The following GALNTL6 variants were observed in gnomAD, a reference collection of about 807,000 sequenced individuals.
The protein encoded by GALNTL6 is polypeptide N-acetylgalactosaminyltransferase-like 6.
A neutral mutation model predicts 73.7 loss-of-function variants in GALNTL6; 46 were observed. The ratio of observed to expected loss-of-function variants is 0.62; its 90% confidence interval spans 0.49 to 0.80. The LOEUF (loss-of-function observed/expected upper bound fraction) is 0.80. Ranked by LOEUF, GALNTL6 falls within the 30% of genes least tolerant of loss-of-function variation. The pLI is 0.00. For synonymous variants in GALNTL6, 259 were observed against 263.7 expected, an observed-to-expected ratio of 0.98 and a Z score of 0.17; for missense variants, 604 against 755.0, an observed-to-expected ratio of 0.80 and a Z score of 2.34.
At chr4:172,009,189 T>A (rs1419558065) in intron 2 of GALNTL6, among the ~76,000 whole-genome samples, 1 of 152,094 alleles carries the variant, frequency 6.6e-6, no homozygotes, top group Non-Finnish European at 1.5e-5. Context: ...TTTATATTAT[T>A]ATGCCCATTT....
intron 5 of GALNTL6, among the ~76,000 whole-genome samples, chr4:172,530,195 T>C (rs935765958): frequency 6.6e-6 from 1 of 152,140 alleles, no homozygotes; most frequent in Non-Finnish European, 1.5e-5. Flanking sequence ...CACATTGATA[T>C]TCCAAAATTA....
At chr4:172,869,961 T>G (rs1339613146) in intron 7 of GALNTL6, among the ~76,000 whole-genome samples, 1 of 152,156 alleles carries the variant, frequency 6.6e-6, no homozygotes, top group Admixed American at 6.5e-5. Flanking sequence ...TGTTCTTAAC[T>G]TCTTTCGTTT....
chr4:172,198,277 A>G (rs1336740018), intron 2 of GALNTL6, among the ~76,000 whole-genome samples: 1 of 151,078 alleles, frequency 6.6e-6, no homozygotes, highest in Non-Finnish European at 1.5e-5. Flanking sequence ...AGATCTGCAC[A>G]TCAAAAAAAA....
intron 2 of GALNTL6, among the ~76,000 whole-genome samples, chr4:172,163,756 T>C (rs562127270): frequency 1.6e-4 from 24 of 152,100 alleles, no homozygotes; most frequent in Middle Eastern, 6.8e-3. Context: ...AATTCAGAAA[T>C]GTAAGCCTCA....
intron 12 of GALNTL6, among the ~76,000 whole-genome samples, chr4:173,033,855 T>C (rs1429899962): frequency 6.6e-6 from 1 of 152,158 alleles, no homozygotes; most frequent in Non-Finnish European, 1.5e-5. Context: ...TCTTTCTACT[T>C]ACATGGAAAT....
At chr4:172,186,642 C>T (rs1006852482) in intron 2 of GALNTL6, among the ~76,000 whole-genome samples, 1 of 151,914 alleles carries the variant, frequency 6.6e-6, no homozygotes, top group Non-Finnish European at 1.5e-5. Context: ...GGATGAACCT[C>T]GAGGACATTT....
intron 5 of GALNTL6, among the ~76,000 whole-genome samples, chr4:172,534,343 A>G (rs1380623876): frequency 1.3e-5 from 2 of 152,224 alleles, no homozygotes; most frequent in Non-Finnish European, 2.9e-5. Context: ...GAAAGTCCAC[A>G]GAAGCAATCA....
chr4:172,335,175 T>G (rs1163447602), intron 4 of GALNTL6, among the ~76,000 whole-genome samples: 1 of 152,108 alleles, frequency 6.6e-6, no homozygotes, highest in Non-Finnish European at 1.5e-5. Flanking sequence ...CTCCATCTCC[T>G]GACCTTGTGA....
intron 5 of GALNTL6, among the ~76,000 whole-genome samples, chr4:172,708,771 T>G (rs1004875104): frequency 6.6e-6 from 1 of 152,182 alleles, no homozygotes; most frequent in Non-Finnish European, 1.5e-5. Context: ...ATATCATAAT[T>G]GTATATCTTC....
chr4:172,626,410 T>C (rs1266476425), intron 5 of GALNTL6, among the ~76,000 whole-genome samples: 4 of 152,142 alleles, frequency 2.6e-5, no homozygotes, highest in Non-Finnish European at 4.4e-5. Flanking sequence ...TTGGTTACTG[T>C]AGCCTTATAG....
intron 2 of GALNTL6, among the ~76,000 whole-genome samples, chr4:171,956,009 T>G (rs1410729547): frequency 6.3e-4 from 91 of 144,096 alleles, no homozygotes; most frequent in Middle Eastern, 3.8e-3. Flanking sequence ...TGTGTGTGTG[T>G]GTGTGGGACA....
At chr4:173,000,204 G>C (rs918442353) in intron 10 of GALNTL6, among the ~76,000 whole-genome samples, 2 of 152,012 alleles carry the variant, frequency 1.3e-5, no homozygotes, top group Non-Finnish European at 2.9e-5. Context: ...AAAAACTGAG[G>C]CAAAAATAAG....
intron 2 of GALNTL6, among the ~76,000 whole-genome samples, chr4:172,218,150 C>T (rs189230076): frequency 1.3e-5 from 2 of 152,042 alleles, no homozygotes; most frequent in African/African-American, 4.8e-5. Context: ...TCATAAGTTC[C>T]CCTTCATAAG....
intron 5 of GALNTL6, chr4:172,669,064 G>A (rs760509263): frequency 2.0e-5 from 3 of 152,150 alleles, no homozygotes; most frequent in Non-Finnish European, 4.4e-5. Flanking sequence ...ACATTAAAAT[G>A]ATCTGAGGTA....
In GALNTL6 at chr4:172,001,671, G is replaced by C. The variant is rs1164157619; in HGVS notation, c.138+186953G>C. Among the ~76,000 whole-genome samples, 3 of 152,048 alleles carry C rather than the reference G, an allele frequency of 2.0e-5. No homozygotes were observed. In the East Asian group the frequency reaches 5.8e-4, roughly 29 times the overall value. ...TTGCCCGAACCTCCCTCAACTTTTG[G>C]ATTTCAGTAAGTCCGCTCTATGCAA... is the stretch of plus-strand genomic sequence containing the variant. On this transcript the variant is annotated intron_variant, in intron 2 of 12. Coordinates refer to ENST00000506823, the MANE Select transcript of GALNTL6 (RefSeq NM_001034845.3).
At chr4:172,765,600 A>C (rs1738361327) in intron 5 of GALNTL6, among the ~76,000 whole-genome samples, 1 of 152,176 alleles carries the variant, frequency 6.6e-6, no homozygotes, top group Admixed American at 6.5e-5. Flanking sequence ...GTAAAATCTG[A>C]TTACATGAAA....
At chr4:172,445,256 G>T (rs1382768330) in intron 5 of GALNTL6, among the ~76,000 whole-genome samples, 5 of 152,078 alleles carry the variant, frequency 3.3e-5, no homozygotes, top group African/African-American at 7.2e-5. Flanking sequence ...TTACAAGAAG[G>T]TTCCCATTTC....
intron 10 of GALNTL6, among the ~76,000 whole-genome samples, chr4:172,960,273 G>T (rs1452730207): frequency 2.0e-5 from 3 of 152,214 alleles, no homozygotes; most frequent in Non-Finnish European, 4.4e-5. Context: ...AGAAAAAGGA[G>T]CATTAACCTT....
chr4:172,685,348 T>C (rs749236541), intron 5 of GALNTL6, among the ~76,000 whole-genome samples: 1 of 152,214 alleles, frequency 6.6e-6, no homozygotes, highest in Non-Finnish European at 1.5e-5. Flanking sequence ...GAAGACATAA[T>C]TGCTAATATT....
Sources: allele counts gnomAD v4.1 joint callset (sites outside exome capture counted in the v4.1 genomes callset), GRCh38; gene constraint gnomAD v4.1.1; transcripts MANE v1.5; gene names NCBI Gene and HGNC (gene_info 2026-07-23, HGNC 2026-07-21).